ANKS1B: variants seen among roughly 807,000 people sequenced by gnomAD.
The protein encoded by ANKS1B is ankyrin repeat and sterile alpha motif domain-containing protein 1B.
In ANKS1B, 36 loss-of-function variants were observed where a neutral mutation model predicts 148.3. The observed-to-expected ratio is 0.24, with a 90% CI of 0.19 to 0.32. The LOEUF (loss-of-function observed/expected upper bound fraction) is 0.32, where lower values mean the gene tolerates loss of function less well. Among genes scored for constraint, ANKS1B ranks in the 10% least tolerant of loss-of-function variants. The pLI is 1.00. For missense variants in ANKS1B, 1,157 were observed against 1,542.6 expected, an observed-to-expected ratio of 0.75 and a Z score of 4.19; for synonymous variants, 542 against 560.8, an observed-to-expected ratio of 0.97 and a Z score of 0.47.
At chr12:99,017,488 A>G (rs1239741651) in intron 17 of ANKS1B, among the ~76,000 whole-genome samples, 1 of 152,002 alleles carries the variant, frequency 6.6e-6, no homozygotes, top group Non-Finnish European at 1.5e-5. Flanking sequence ...CCAAGATTGT[A>G]TTTTGTGGGG....
intron 9 of ANKS1B, among the ~76,000 whole-genome samples, chr12:99,532,009 T>C (rs2096998778): frequency 6.6e-6 from 1 of 151,994 alleles, no homozygotes; most frequent in Non-Finnish European, 1.5e-5. Context: ...GAAAAATATC[T>C]GTTCATATTG....
intron 12 of ANKS1B, among the ~76,000 whole-genome samples, chr12:99,397,707 T>C (rs1038104455): frequency 2.0e-5 from 3 of 152,144 alleles, no homozygotes; most frequent in African/African-American, 7.2e-5. Context: ...ATAACAGTCA[T>C]GAGGTTTAAA....
intron 9 of ANKS1B, among the ~76,000 whole-genome samples, chr12:99,576,953 C>T (rs2097525412): frequency 6.6e-6 from 1 of 151,698 alleles, no homozygotes; most frequent in Non-Finnish European, 1.5e-5. Context: ...CTACTGTTGA[C>T]ATAAGATGAA....
At chr12:99,490,930 T>A (rs146783143) in intron 10 of ANKS1B, among the ~76,000 whole-genome samples, 3,140 of 152,368 alleles carry the variant, frequency 0.021, 39 homozygotes, top group Middle Eastern at 0.041. Context: ...GTAAGATTTC[T>A]ACAAGATTAT....
intron 15 of ANKS1B, among the ~76,000 whole-genome samples, chr12:99,120,759 T>C (rs1376605264): frequency 1.3e-5 from 2 of 152,132 alleles, no homozygotes; most frequent in East Asian, 3.9e-4. Context: ...AAGCAGCAGA[T>C]TTGGGAAGAG....
intron 1 of ANKS1B, among the ~76,000 whole-genome samples, chr12:99,897,764 G>A (rs2093434224): frequency 6.7e-6 from 1 of 150,052 alleles, no homozygotes; most frequent in Admixed American, 6.7e-5. Flanking sequence ...ATGAAGGTCT[G>A]AGCTAAGCCT....
intron 1 of ANKS1B, among the ~76,000 whole-genome samples, chr12:99,858,873 G>C (rs1314203105): frequency 6.6e-6 from 1 of 152,152 alleles, no homozygotes; most frequent in Non-Finnish European, 1.5e-5. Flanking sequence ...TGGGAACTCG[G>C]GGAAAGAGGG....
At chr12:99,793,847 T>C (rs1406947140) in intron 4 of ANKS1B, among the ~76,000 whole-genome samples, 2 of 152,006 alleles carry the variant, frequency 1.3e-5, no homozygotes, top group African/African-American at 4.8e-5. Context: ...AAAAAGCTTC[T>C]GCACAGCAAA....
At chr12:99,898,184 C>T (rs1002462771) in intron 1 of ANKS1B, among the ~76,000 whole-genome samples, 3 of 152,026 alleles carry the variant, frequency 2.0e-5, no homozygotes, top group South Asian at 2.1e-4. Context: ...ATGACTACCC[C>T]GATTTTTAAA....
At chr12:98,900,419 G>T (rs1473429128) in intron 17 of ANKS1B, among the ~76,000 whole-genome samples, 1 of 152,106 alleles carries the variant, frequency 6.6e-6, no homozygotes, top group Non-Finnish European at 1.5e-5. Flanking sequence ...TAAAAAGCAG[G>T]CATAGCACAA....
intron 11 of ANKS1B, among the ~76,000 whole-genome samples, chr12:99,438,976 A>G (rs760321280): frequency 1.4e-4 from 21 of 151,928 alleles, no homozygotes; most frequent in Non-Finnish European, 2.2e-4. Context: ...TTTTTTAAAA[A>G]AGCAAACAAG....
At chr12:99,724,478 C>A (rs1600699061) in intron 8 of ANKS1B, among the ~76,000 whole-genome samples, 1 of 152,208 alleles carries the variant, frequency 6.6e-6, no homozygotes, top group African/African-American at 2.4e-5. Context: ...AAGGAATGAA[C>A]AAAACCTCCA....
chr12:99,183,692 G>A (rs1335465263), intron 14 of ANKS1B, among the ~76,000 whole-genome samples: 1 of 152,088 alleles, frequency 6.6e-6, no homozygotes, highest in African/African-American at 2.4e-5. Flanking sequence ...AGGAAGTTTG[G>A]GAAATAGAGG....
chr12:99,836,875 A>G (rs2084935976), intron 1 of ANKS1B, among the ~76,000 whole-genome samples: 1 of 152,298 alleles, frequency 6.6e-6, no homozygotes, highest in East Asian at 1.9e-4. Flanking sequence ...TCCTATCCTC[A>G]CATTCTCTTC....
intron 15 of ANKS1B, among the ~76,000 whole-genome samples, chr12:99,144,025 GAAT>G (rs2072018873): frequency 1.3e-5 from 2 of 152,056 alleles, no homozygotes; most frequent in South Asian, 2.1e-4. Context: ...TGTAAAACTG[GAAT>G]AATACTACAT....
chr12:99,021,971 T>G (rs180737138), intron 17 of ANKS1B, among the ~76,000 whole-genome samples: 9 of 152,304 alleles, frequency 5.9e-5, no homozygotes, highest in Admixed American at 5.9e-4. Context: ...GAACTGACAG[T>G]GCATATGTTA....
chr12:98,837,175 C>A lies in ANKS1B; in HGVS notation c.2779-5039G>T, dbSNP rs866724129. 3.3e-3 allele frequency among the ~76,000 whole-genome samples: 484 copies of A among 145,692 alleles called. 5 individuals are homozygous for A. The highest frequency in any genetic ancestry group is 0.011 in the African/African-American group (443 of 39,348). On this transcript the variant is annotated intron_variant, in intron 17 of 26. Transcript: ENST00000683438. Reference sequence around the variant, plus strand: ...TGAAACCCCGTCTCTATTAAAAATACAAAAAAAAAAAATTAGCCAGGCATG... The same window carrying A: ...TGAAACCCCGTCTCTATTAAAAATAAAAAAAAAAAAAATTAGCCAGGCATG...
At chr12:99,623,655 A>AT (rs1171915572) in intron 9 of ANKS1B, among the ~76,000 whole-genome samples, 1 of 151,994 alleles carries the variant, frequency 6.6e-6, no homozygotes, top group Non-Finnish European at 1.5e-5. Context: ...CCCTTTTACA[A>AT]TGGTCACCAA....
intron 9 of ANKS1B, among the ~76,000 whole-genome samples, chr12:99,618,436 G>A (rs756418673): frequency 3.3e-5 from 5 of 152,096 alleles, no homozygotes; most frequent in Admixed American, 6.6e-5. Flanking sequence ...TAAAAATAGT[G>A]CATAAAAATC....
Sources: gnomAD v4.1 joint callset for allele counts (sites outside exome capture counted in the v4.1 genomes callset) on GRCh38, gnomAD v4.1.1 for gene constraint, MANE v1.5 for transcripts, NCBI Gene and HGNC (gene_info 2026-07-23, HGNC 2026-07-21) for gene names.